The following HTRA4 variants were observed in gnomAD, a reference collection of about 807,000 sequenced individuals.
HTRA4 encodes serine protease HTRA4.
HTRA4 carries 46 observed loss-of-function variants against 49.1 expected under a neutral mutation model. That is an observed-to-expected ratio of 0.94 (90% confidence interval 0.74 to 1.20). The LOEUF (loss-of-function observed/expected upper bound fraction) is 1.20, where lower values mean the gene tolerates loss of function less well. Ranked by LOEUF, HTRA4 falls within the 50% of genes most tolerant of loss-of-function variation. HTRA4 has a pLI of 0.00. For synonymous variants in HTRA4, 261 were observed against 264.0 expected (o/e 0.99, Z 0.11); for missense variants, 602 against 636.9 (o/e 0.95, Z 0.59).
rs138161345 is a variant in HTRA4 at position 38,975,256 on chromosome 8, G to A, written c.566+126G>A. On this transcript the variant is annotated intron_variant, in intron 2 of 8. Coordinates refer to ENST00000302495, the MANE Select transcript of HTRA4 (RefSeq NM_153692.4). Reference sequence around the variant, plus strand: ...AGTGAGGAAACTGAGACGTAAAGAGGTTGAATAACCTGTTCAAGGTCATTT... The same window carrying A: ...AGTGAGGAAACTGAGACGTAAAGAGATTGAATAACCTGTTCAAGGTCATTT... 1.3e-3 allele frequency: 1,220 copies of A among 936,960 alleles called. 15 individuals carry two copies. In the African/African-American group the frequency reaches 0.017, roughly 13 times the overall value. The allele number at this position is 936,960 out of a possible 1,614,324, so 58.0% of individuals were successfully genotyped here.
Position 38,974,415 on chromosome 8 carries a change from C to G in HTRA4, c.152C>G (p.Ala51Gly). Residue 51 changes from alanine (A) to glycine (G), a missense_variant, in exon 1 of 9, where the codon GCG becomes GGG. Ala to Gly is a moderately conservative substitution (Grantham distance 60). Coordinates refer to ENST00000302495, the MANE Select transcript of HTRA4 (RefSeq NM_153692.4). ...GTCTGCCAGCCCACGCGCTGCCCCG[C>G]GCTGCCCACCTGCGCGCTGGGGACC... ...PAVCQPTRCP[A>G]LPTCALGTTP... The G allele has an allele frequency of 1.9e-6, 3 of 1,554,668 alleles. No individual in the cohort carries two copies. Among genetic ancestry groups the G allele is most frequent in the Non-Finnish European group, 2.6e-6 (3 of 1,152,714 alleles).
rs775339746 is a variant in HTRA4 at position 38,974,513 on chromosome 8, C to G, written c.250C>G (p.Gln84Glu). 2 of 1,466,598 alleles carry G rather than the reference C, an allele frequency of 1.4e-6. No homozygotes were observed. The highest frequency in any genetic ancestry group is 2.7e-5 in the South Asian group (2 of 73,952). The allele number at this position is 1,466,598 out of a possible 1,614,324, so 90.8% of individuals were successfully genotyped here. The change falls in exon 1 of 9, where the codon CAG (glutamine) becomes GAG (glutamate). Residue 84 changes from glutamine (Q) to glutamate (E), a missense_variant. Gln to Glu is a conservative substitution (Grantham distance 29, BLOSUM62 2). Transcript: ENST00000302495. Reference protein sequence around the residue: ...AAEREVCGGAQGQPCAPGLQC... With the variant: ...AAEREVCGGAEGQPCAPGLQC... ...CGAGCGTGAAGTCTGCGGCGGGGCG[C>G]AGGGCCAACCGTGCGCCCCGGGGCT...
Position 38,978,123 on chromosome 8 carries a change from C to T in HTRA4, c.942C>T (p.Tyr314=), listed in dbSNP as rs750325966. The T allele has an allele frequency of 3.0e-5, 48 of 1,613,394 alleles. No homozygotes were observed. Among genetic ancestry groups the T allele is most frequent in the East Asian group, 4.5e-5 (2 of 44,886 alleles). The change falls in exon 4 of 9, where the codon TAC becomes TAT. Residue 314 remains tyrosine (Y), a synonymous_variant. Transcript: ENST00000302495. ...GGATGAAGGATTCAGATATGGACTA[C>T]GTCCAGATTGATGCCACAATTAATG... The part of the protein sequence containing the change: ...ELGMKDSDMD[Y]VQIDATINYG...
rs763089883 is a variant in HTRA4 at position 38,982,985 on chromosome 8, A to G, written c.1205A>G (p.Asp402Gly). ...LSEELKMHYP[D>G]FPDVSSGVYV... is the part of the protein sequence containing the mutation. ...GAAGAATTGAAAATGCATTATCCAG[A>G]TTTCCCTGATGTGAGTTCTGGGGTT... is the stretch of plus-strand genomic sequence containing the variant. Residue 402 changes from aspartate (D) to glycine (G), a missense_variant, in exon 8 of 9, where the codon GAT (aspartate) becomes GGT (glycine). Physicochemically the swap from Asp to Gly is moderately conservative, Grantham distance 94. Coordinates refer to ENST00000302495, the MANE Select transcript of HTRA4 (RefSeq NM_153692.4). 6.2e-7 allele frequency: 1 copy of G among 1,613,596 alleles called. No homozygotes were observed. The highest frequency in any genetic ancestry group is 2.2e-5 in the East Asian group (1 of 44,888).
intron 8 of HTRA4, among the ~76,000 whole-genome samples, chr8:38,986,723 C>G (rs775229278): frequency 1.3e-5 from 2 of 152,186 alleles, no homozygotes; most frequent in Non-Finnish European, 2.9e-5. Context: ...CCTGGCTGAA[C>G]CCTTCTATTA....
rs748014555 is a variant in HTRA4 at position 38,981,740 on chromosome 8, G to T, written c.1087G>T (p.Ala363Ser). 5 of 1,613,404 alleles carry T rather than the reference G, an allele frequency of 3.1e-6. No homozygotes were observed. The South Asian group carries it at 5.5e-5, about 18-fold the overall frequency. ...IPSDRVRQFLAEYHEHQMKGK... is the reference protein window; with the variant it reads ...IPSDRVRQFLSEYHEHQMKGK... ...TTCAGATCGAGTTAGGCAGTTCTTG[G>T]CAGAATACCATGAGCACCAGATGAA... Residue 363 changes from alanine (A) to serine (S), a missense_variant, in exon 6 of 9, where the codon GCA becomes TCA. Physicochemically the swap from Ala to Ser is moderately conservative, Grantham distance 99. Coordinates refer to ENST00000302495, the MANE Select transcript of HTRA4 (RefSeq NM_153692.4).
rs930334284 is a variant in HTRA4 at position 38,974,861 on chromosome 8, C to T, written c.466+132C>T. On this transcript the variant is annotated intron_variant, in intron 1 of 8. Coordinates refer to ENST00000302495, the MANE Select transcript of HTRA4 (RefSeq NM_153692.4). ...CATTTGCCTCCTGGATTCGACACCT[C>T]TGTGTTCCTGATTTCCTTTCCTCCT... 3 of 1,180,686 alleles carry T rather than the reference C, an allele frequency of 2.5e-6. No homozygotes were observed. The African/African-American group carries it at 4.6e-5, about 18-fold the overall frequency. The allele number at this position is 1,180,686 out of a possible 1,614,324, so 73.1% of individuals were successfully genotyped here.
chr8:38,976,948 T>C (rs370777708), intron 3 of HTRA4, among the ~76,000 whole-genome samples: 16 of 152,050 alleles, frequency 1.1e-4, no homozygotes, highest in African/African-American at 3.9e-4. Flanking sequence ...TTTTCTTTCT[T>C]TTTTTTTGAA....
At chr8:38,982,930 C>T in intron 7 of HTRA4, 23 bp from the exon 8 acceptor site, 1 of 1,532,834 alleles carries the variant, frequency 6.5e-7, no homozygotes, top group Non-Finnish European at 9.0e-7. Flanking sequence ...TTCATTGTTT[C>T]CTAATCTTCT....
chr8:38,981,156 T>C (rs1353830598), intron 5 of HTRA4, among the ~76,000 whole-genome samples: 2 of 130,426 alleles, frequency 1.5e-5, no homozygotes, highest in Non-Finnish European at 3.1e-5. Flanking sequence ...CTCGGCTCAC[T>C]GCAAGCTCCG....
intron 8 of HTRA4, among the ~76,000 whole-genome samples, chr8:38,985,043 C>A (rs1016725383): frequency 2.6e-5 from 4 of 152,192 alleles, no homozygotes; most frequent in Non-Finnish European, 5.9e-5. Context: ...GCTAGGACAG[C>A]TTCCAAAAGA....
intron 5 of HTRA4, among the ~76,000 whole-genome samples, chr8:38,980,663 G>T (rs558204634): frequency 6.6e-6 from 1 of 151,888 alleles, no homozygotes; most frequent in Non-Finnish European, 1.5e-5. Context: ...GCTTGAACCC[G>T]GGAGGCAGAG....
In HTRA4 at chr8:38,976,640, G is replaced by C; in HGVS notation, c.672G>C (p.Gln224His). ...ATGCCCATGTTGTCAGGAACCAGCA[G>C]TGGATTGAGGTGGTGCTCCAGAATG... ...ITNAHVVRNQ[Q>H]WIEVVLQNGA... The change falls in exon 3 of 9, where the codon CAG becomes CAC. Residue 224 changes from glutamine to histidine, a missense_variant. By Grantham distance (24) the Gln-to-His change is conservative. Coordinates refer to ENST00000302495, the MANE Select transcript of HTRA4 (RefSeq NM_153692.4). 1 of 1,614,250 alleles carries C rather than the reference G, an allele frequency of 6.2e-7. No individual in the cohort carries two copies. The highest frequency in any genetic ancestry group is 8.5e-7 in the Non-Finnish European group (1 of 1,180,040).
chr8:38,978,281 C>T, intron 4 of HTRA4, 134 bp downstream of exon 4: 1 of 702,740 alleles, frequency 1.4e-6, no homozygotes, highest in Non-Finnish European at 2.3e-6. Flanking sequence ...GTTCCACCTC[C>T]TGTCAGATCA....
At chr8:38,976,206 G>A (rs970854201) in intron 2 of HTRA4, among the ~76,000 whole-genome samples, 3 of 152,194 alleles carry the variant, frequency 2.0e-5, no homozygotes, top group East Asian at 1.9e-4. Flanking sequence ...GAGGTCAGGC[G>A]TTCGAGAGCA....
intron 6 of HTRA4, 24 bp downstream of exon 6, chr8:38,981,791 T>C (rs1363334050): frequency 1.9e-6 from 3 of 1,540,272 alleles, no homozygotes; most frequent in Non-Finnish European, 2.7e-6. Flanking sequence ...GGATTTTTTT[T>C]TTTTTGGTTT....
rs1183789336 is a variant in HTRA4 at position 38,988,050 on chromosome 8, G to A, written c.1383G>A (p.Arg461=). 2 of 1,611,248 alleles carry A rather than the reference G, an allele frequency of 1.2e-6. No homozygotes were observed. The highest frequency in any genetic ancestry group is 1.7e-6 in the Non-Finnish European group (2 of 1,179,170). Reference sequence around the variant, plus strand: ...ATTCCCTTTCCATGGCTGTTCTTCGGGGAAAAGATAATTTGCTCCTGACAG... The same window carrying A: ...ATTCCCTTTCCATGGCTGTTCTTCGAGGAAAAGATAATTTGCTCCTGACAG... ...DSDSLSMAVL[R]GKDNLLLTVI... Residue 461 remains arginine, a synonymous_variant, in exon 9 of 9, where the codon CGG becomes CGA. Coordinates refer to ENST00000302495, the MANE Select transcript of HTRA4 (RefSeq NM_153692.4).
In HTRA4 at chr8:38,987,931, C is replaced by T. The variant is rs201501667; in HGVS notation, c.1269-5C>T. On this transcript the variant is annotated splice_polypyrimidine_tract_variant and splice_region_variant and intron_variant, in intron 8 of 8. Transcript: ENST00000302495. ...ATGATCCTCTTTTTTTTCTCCCTCT[C>T]TCAGCTCTGGATTGAGAGATCACGA... 1.6e-4 allele frequency: 250 copies of T among 1,546,086 alleles called. No homozygotes were observed. The highest frequency in any genetic ancestry group is 3.5e-4 in the Middle Eastern group (2 of 5,796).
At position 38,978,736 on chromosome 8, in the gene HTRA4, C is replaced by T. The variant is rs530902278; in HGVS notation, c.967-479C>T. ...CCTTGGCCAGGCACGGTGGCTCATG[C>T]CTGTAATCCCAGCACTTTGGGAGGC... On this transcript the variant is annotated intron_variant, in intron 4 of 8. Coordinates refer to ENST00000302495, the MANE Select transcript of HTRA4 (RefSeq NM_153692.4). Among the ~76,000 whole-genome samples the T allele has an allele frequency of 1.3e-4, 20 of 152,132 alleles. No homozygotes were observed. In the East Asian group the frequency reaches 3.9e-3, roughly 29 times the overall value.
Sources: allele counts gnomAD v4.1 joint callset (sites outside exome capture counted in the v4.1 genomes callset), GRCh38; gene constraint gnomAD v4.1.1; transcripts MANE v1.5; gene names NCBI Gene and HGNC (gene_info 2026-07-23, HGNC 2026-07-21).